GALNT10: variants seen among roughly 807,000 people sequenced by gnomAD.
GALNT10 encodes the protein polypeptide N-acetylgalactosaminyltransferase 10, also known as GalNAc transferase 10.
A neutral mutation model predicts 75.0 loss-of-function variants in GALNT10; 41 were observed. The observed-to-expected ratio is 0.55, with a 90% CI of 0.43 to 0.71. GALNT10 has a LOEUF of 0.71. Among genes scored for constraint, GALNT10 ranks in the 30% least tolerant of loss-of-function variants. GALNT10 has a pLI of 0.00. For missense variants in GALNT10, 727 were observed against 818.5 expected (o/e 0.89, Z 1.36); for synonymous variants, 302 against 313.0 (o/e 0.96, Z 0.37).
chr5:154,270,002 C>G (rs1209872093), intron 1 of GALNT10, among the ~76,000 whole-genome samples: 1 of 145,426 alleles, frequency 6.9e-6, no homozygotes, highest in African/African-American at 2.6e-5. Context: ...AGAGGTCTTA[C>G]TCTTTCTCTT....
chr5:154,287,959 T>TGTGA (rs144196717), intron 1 of GALNT10, among the ~76,000 whole-genome samples: 47,486 of 149,822 alleles, frequency 0.32, 8,607 homozygotes, highest in East Asian at 0.67. Flanking sequence ...TGTGTGTGTG[T>TGTGA]GAGAGAGAGA....
chr5:154,252,086 C>T (rs954368284), intron 1 of GALNT10, among the ~76,000 whole-genome samples: 2 of 152,058 alleles, frequency 1.3e-5, no homozygotes, highest in Non-Finnish European at 2.9e-5. Flanking sequence ...ATGTTATACA[C>T]ACAACAATAT....
In GALNT10 at chr5:154,402,662, G is replaced by A. The variant is rs1251156974; in HGVS notation, c.1057-1442G>A. On this transcript the variant is annotated intron_variant, in intron 7 of 11. Transcript: ENST00000297107. The surrounding 1 kb of genome is among the most constrained non-coding windows in gnomAD (Gnocchi z 4.2). The stretch of plus-strand genomic sequence containing the variant: ...AGGAGAATAGTCAGGCCATGAGCCA[G>A]GGCCGCAGTCATCTGCAGGCTTGAC... 1 of 152,198 alleles carries A rather than the reference G, an allele frequency of 6.6e-6. No individual in the cohort carries two copies. 9.4% of individuals were successfully genotyped at this position (152,198 alleles called of 1,614,324 possible).
At chr5:154,414,580 G>C (rs1427521309) in intron 10 of GALNT10, among the ~76,000 whole-genome samples, 1 of 152,018 alleles carries the variant, frequency 6.6e-6, no homozygotes, top group Non-Finnish European at 1.5e-5. Context: ...TAAGGACATG[G>C]GGGTTGGTGG....
chr5:154,191,928 C>G (rs1193926266), intron 1 of GALNT10, among the ~76,000 whole-genome samples: 1 of 152,250 alleles, frequency 6.6e-6, no homozygotes, highest in African/African-American at 2.4e-5. Flanking sequence ...TGTATGTGTG[C>G]GTGCACGCAT....
chr5:154,284,790 G>T (rs1754088597), intron 1 of GALNT10, among the ~76,000 whole-genome samples: 1 of 152,216 alleles, frequency 6.6e-6, no homozygotes, highest in African/African-American at 2.4e-5. Context: ...GAATGGGCAG[G>T]TACATGTGGT....
At chr5:154,255,422 C>T (rs769128058) in intron 1 of GALNT10, among the ~76,000 whole-genome samples, 1 of 151,982 alleles carries the variant, frequency 6.6e-6, no homozygotes, top group Non-Finnish European at 1.5e-5. Flanking sequence ...CTGCCACAAG[C>T]ATAGGACAGA....
intron 3 of GALNT10, among the ~76,000 whole-genome samples, chr5:154,318,453 A>AT (rs1252196047): frequency 1.3e-5 from 2 of 151,970 alleles, no homozygotes; most frequent in African/African-American, 4.8e-5. Context: ...TAATATATAT[A>AT]TATATATAAA....
In GALNT10 at chr5:154,409,297, T is replaced by G; in HGVS notation, c.1165-244T>G. ...AGTGGGGGCTATCGCTAGAAGAAGA[T>G]GGGATGGAAGATGGGCAGGCAAAAC... On this transcript the variant is annotated intron_variant, in intron 8 of 11. Transcript: ENST00000297107. This position sits in a 1 kb window ranked among gnomAD's most constrained non-coding sequence, Gnocchi z 4.5. 1.8e-6 allele frequency: 1 copy of G among 548,276 alleles called. No homozygotes were observed. The highest frequency in any genetic ancestry group is 3.2e-5 in the East Asian group (1 of 30,960). The allele number at this position is 548,276 out of a possible 1,614,324, so 34.0% of individuals were successfully genotyped here.
At chr5:154,271,334 C>CG (rs1240002697) in intron 1 of GALNT10, among the ~76,000 whole-genome samples, 1 of 151,910 alleles carries the variant, frequency 6.6e-6, no homozygotes, top group Admixed American at 6.6e-5. Flanking sequence ...AGCGTGGTGG[C>CG]GGGTGCCTGT....
chr5:154,303,682 C>CT (rs1302206396), intron 3 of GALNT10, among the ~76,000 whole-genome samples: 6 of 152,112 alleles, frequency 3.9e-5, no homozygotes. Flanking sequence ...CTGGACCAGT[C>CT]TAAAAATATC....
At chr5:154,378,182 A>G (rs762406558) in intron 5 of GALNT10, among the ~76,000 whole-genome samples, 4 of 152,198 alleles carry the variant, frequency 2.6e-5, no homozygotes, top group Non-Finnish European at 5.9e-5. Context: ...AGAGCGCATC[A>G]TGGCTTTTGT....
At chr5:154,263,754 T>G (rs573600229) in intron 1 of GALNT10, among the ~76,000 whole-genome samples, 41 of 152,232 alleles carry the variant, frequency 2.7e-4, no homozygotes, top group Non-Finnish European at 5.1e-4. Context: ...AGGGCACTAA[T>G]CCAAGCCCTC....
chr5:154,289,149 C>T (rs548672553), intron 1 of GALNT10, among the ~76,000 whole-genome samples: 6 of 152,296 alleles, frequency 3.9e-5, no homozygotes, highest in African/African-American at 1.4e-4. Flanking sequence ...CATAAACTTT[C>T]CCTAAAAATA....
At chr5:154,241,989 C>A (rs115500474) in intron 1 of GALNT10, among the ~76,000 whole-genome samples, 1 of 152,104 alleles carries the variant, frequency 6.6e-6, no homozygotes, top group South Asian at 2.1e-4. Context: ...TCACCATCAC[C>A]ACCACCACAG....
intron 7 of GALNT10, chr5:154,389,350 AAT>A (rs1367497777): frequency 1.3e-5 from 2 of 151,936 alleles, no homozygotes; most frequent in Admixed American, 6.6e-5. Flanking sequence ...ATCATGTTAA[AAT>A]ACTACATATA....
At chr5:154,332,533 A>C (rs906664505) in intron 4 of GALNT10, among the ~76,000 whole-genome samples, 1 of 152,152 alleles carries the variant, frequency 6.6e-6, no homozygotes, top group Non-Finnish European at 1.5e-5. Flanking sequence ...ACCATGCTGC[A>C]TGCGCGGTTA....
rs1436133198 is a variant in GALNT10 at position 154,202,359 on chromosome 5, A to G, written c.159+11334A>G. Among the ~76,000 whole-genome samples the G allele has an allele frequency of 1.8e-4, 28 of 152,204 alleles. 1 individual carries two copies. Among genetic ancestry groups the G allele is most frequent in the Admixed American group, 1.8e-3 (28 of 15,288 alleles). On this transcript the variant is annotated intron_variant, in intron 1 of 11. Coordinates refer to ENST00000297107, the MANE Select transcript of GALNT10 (RefSeq NM_198321.4). ...TGGGGCACAGCTCGGTGTGGTGGCC[A>G]GGAGTTAGCTTTGTCCTTGAGCACT...
At position 154,329,600 on chromosome 5, in the gene GALNT10, C is replaced by G. The variant is rs1754811467; in HGVS notation, c.430C>G (p.Leu144Val). 6.2e-7 allele frequency: 1 copy of G among 1,613,904 alleles called. No homozygotes were observed. Among genetic ancestry groups the G allele is most frequent in the Non-Finnish European group, 8.5e-7 (1 of 1,179,906 alleles). Residue 144 changes from leucine (L) to valine (V), a missense_variant, in exon 4 of 12, where the codon CTT (leucine) becomes GTT (valine). Leu to Val is a conservative substitution (Grantham distance 32). Coordinates refer to ENST00000297107, the MANE Select transcript of GALNT10 (RefSeq NM_198321.4). ...NCNSKRYLET[L>V]PNTSIIIPFH... ...CAACAGCAAGCGCTACCTGGAGACA[C>G]TTCCCAACACAAGCATCATCATCCC...
Sources: allele counts gnomAD v4.1 joint callset (sites outside exome capture counted in the v4.1 genomes callset), GRCh38; gene constraint gnomAD v4.1.1; non-coding constraint Gnocchi (gnomAD v3.1); transcripts MANE v1.5; gene names NCBI Gene and HGNC (gene_info 2026-07-23, HGNC 2026-07-21).